Variants in CRYBA4 observed in about 807,000 individuals in gnomAD.
CRYBA4 encodes the protein beta-crystallin A4.
CRYBA4 carries 30 observed loss-of-function variants against 31.7 expected under a neutral mutation model. The observed-to-expected ratio is 0.95, with a 90% CI of 0.71 to 1.28. CRYBA4 has a LOEUF of 1.28. Among genes scored for constraint, CRYBA4 ranks in the 50% most tolerant of loss-of-function variants. The pLI is 0.00. For missense variants in CRYBA4, 225 were observed against 260.7 expected, an observed-to-expected ratio of 0.86 and a Z score of 0.94; for synonymous variants, 102 against 102.3, an observed-to-expected ratio of 1.00 and a Z score of 0.02.
chr22:26,597,528 C>G, the CRYBA4 span, among the ~76,000 whole-genome samples: 1 of 152,180 alleles, frequency 6.6e-6, no homozygotes. Context: ...GGAATATCAT[C>G]TCCCCTATTC....
chr22:26,612,229 G>A, the CRYBA4 span: 2 of 1,404,006 alleles, frequency 1.4e-6, no homozygotes, highest in Non-Finnish European at 2.0e-6. Flanking sequence ...GCAGAGTGAG[G>A]GGGGAGTCAA....
the CRYBA4 span, among the ~76,000 whole-genome samples, chr22:26,604,862 T>G: frequency 6.6e-6 from 1 of 152,162 alleles, no homozygotes; most frequent in Admixed American, 6.5e-5. Context: ...AGGTTGTTAG[T>G]CAATGGCTCC....
At chr22:26,607,946 G>A in the CRYBA4 span, 2 of 1,614,202 alleles carry the variant, frequency 1.2e-6, no homozygotes, top group South Asian at 1.1e-5. Flanking sequence ...TCGACCATGT[G>A]TTCCAGCGAG....
chr22:26,620,982 A>C (rs901116531), upstream of CRYBA4, among the ~76,000 whole-genome samples: 9 of 152,196 alleles, frequency 5.9e-5, no homozygotes, highest in Admixed American at 5.9e-4. Context: ...GTAAGAAAGA[A>C]GCAGGGCTGG....
chr22:26,626,144 G>A (rs1237934744), intron 4 of CRYBA4, among the ~76,000 whole-genome samples: 1 of 152,190 alleles, frequency 6.6e-6, no homozygotes, highest in African/African-American at 2.4e-5. Context: ...GCTCACACCT[G>A]TAATCCCAGC....
chr22:26,609,042 C>T, the CRYBA4 span, among the ~76,000 whole-genome samples: 1 of 152,098 alleles, frequency 6.6e-6, no homozygotes, highest in East Asian at 1.9e-4. Context: ...AATCCCCATT[C>T]CGTAGATGAG....
At chr22:26,622,387 G>T (rs921231925) in intron 1 of CRYBA4, among the ~76,000 whole-genome samples, 198 bp from the exon 2 acceptor site, 9 of 152,074 alleles carry the variant, frequency 5.9e-5, no homozygotes, top group Admixed American at 5.9e-4. Flanking sequence ...TGAGTTTTGA[G>T]ATGGGGATAG....
chr22:26,611,635 C>T, the CRYBA4 span, among the ~76,000 whole-genome samples: 2 of 151,868 alleles, frequency 1.3e-5, no homozygotes, highest in African/African-American at 2.4e-5. Context: ...CCACCACGCC[C>T]GGCTAATTTT....
upstream of CRYBA4, among the ~76,000 whole-genome samples, chr22:26,618,582 C>T (rs1020894271): frequency 2.6e-5 from 4 of 152,196 alleles, no homozygotes; most frequent in African/African-American, 9.6e-5. Context: ...CCCGTGTTAT[C>T]TCGGTCAGTC....
At chr22:26,595,661 A>G in the CRYBA4 span, among the ~76,000 whole-genome samples, 1 of 151,862 alleles carries the variant, frequency 6.6e-6, no homozygotes, top group Admixed American at 6.6e-5. Flanking sequence ...TTTTTTGTAG[A>G]GATGGGGTCT....
At chr22:26,599,486 G>A in the CRYBA4 span, 1 of 1,608,818 alleles carries the variant, frequency 6.2e-7, no homozygotes, top group Admixed American at 1.7e-5. Flanking sequence ...AGTGAGGTGT[G>A]GACTCACTTG....
At chr22:26,592,421 A>G in the CRYBA4 span, among the ~76,000 whole-genome samples, 4 of 152,248 alleles carry the variant, frequency 2.6e-5, no homozygotes, top group Admixed American at 1.3e-4. Flanking sequence ...CAGGAGCAGC[A>G]GAGATTAACC....
At chr22:26,593,074 G>A in the CRYBA4 span, among the ~76,000 whole-genome samples, 3 of 152,110 alleles carry the variant, frequency 2.0e-5, no homozygotes, top group Admixed American at 6.5e-5. Context: ...TGCAGCCCAG[G>A]AATTTGATGT....
chr22:26,627,458 TTC>T (rs1331305806), intron 4 of CRYBA4, among the ~76,000 whole-genome samples: 7 of 97,462 alleles, frequency 7.2e-5, no homozygotes, highest in Non-Finnish European at 1.2e-4. Context: ...TTCTTTCTTT[TTC>T]TTTCTTTCTT....
chr22:26,617,036 C>A (rs190629212), upstream of CRYBA4, among the ~76,000 whole-genome samples: 2 of 152,358 alleles, frequency 1.3e-5, no homozygotes, highest in Admixed American at 1.3e-4. Flanking sequence ...TGAATGCATG[C>A]TCCCAGCTCC....
At chr22:26,595,964 G>T in the CRYBA4 span, among the ~76,000 whole-genome samples, 1 of 151,476 alleles carries the variant, frequency 6.6e-6, no homozygotes, top group Non-Finnish European at 1.5e-5. Context: ...TAGAGGTAAG[G>T]TCTCACCATC....
At chr22:26,620,083 A>C (rs1718661463), upstream of CRYBA4, among the ~76,000 whole-genome samples, 1 of 151,852 alleles carries the variant, frequency 6.6e-6, no homozygotes, top group Admixed American at 6.6e-5. Flanking sequence ...CGGATAAGGA[A>C]ACTGAAGCAA....
At chr22:26,616,132 G>A in the CRYBA4 span, 2 of 1,613,150 alleles carry the variant, frequency 1.2e-6, no homozygotes, top group South Asian at 2.2e-5. Context: ...GCACCCCCAG[G>A]TCCTTACCCT....
At chr22:26,616,389 C>G in the CRYBA4 span, 1 of 1,194,452 alleles carries the variant, frequency 8.4e-7, no homozygotes. Flanking sequence ...CTGCCTCCTG[C>G]CCTCATAGCC....
Sources: allele counts gnomAD v4.1 joint callset (sites outside exome capture counted in the v4.1 genomes callset), GRCh38; gene constraint gnomAD v4.1.1; transcripts MANE v1.5; gene names NCBI Gene and HGNC (gene_info 2026-07-23, HGNC 2026-07-21).